ST8SIA5: variants seen among roughly 807,000 people sequenced by gnomAD.
The protein encoded by ST8SIA5 is alpha-2,8-sialyltransferase 8E.
ST8SIA5 carries 24 observed loss-of-function variants against 40.2 expected under a neutral mutation model. The observed-to-expected ratio is 0.60, with a 90% CI of 0.43 to 0.84. ST8SIA5 has a LOEUF of 0.84. ST8SIA5 is among the 40% of genes least tolerant of loss of function. The pLI, the probability that ST8SIA5 is intolerant of heterozygous loss-of-function variation, is 0.00. For missense variants in ST8SIA5, 465 were observed against 498.5 expected (o/e 0.93, Z 0.64); for synonymous variants, 198 against 201.8 (o/e 0.98, Z 0.16).
rs2144442216 is a variant in ST8SIA5 at position 46,672,365 on chromosome 18, A to AC, written c.*7676dup. On this transcript the variant is annotated 3_prime_UTR_variant, in exon 7 of 7. Coordinates refer to ENST00000315087, the MANE Select transcript of ST8SIA5 (RefSeq NM_013305.6). ...AATCAGATCCTCCGGGAAGTAAAGG[A>AC]CCTGGCTTGGGGATTATTTTATAAA... The AC allele has an allele frequency of 6.6e-6, 1 of 152,260 alleles. No homozygotes were observed. Among genetic ancestry groups the AC allele is most frequent in the South Asian group, 2.1e-4 (1 of 4,828 alleles). 9.4% of individuals were successfully genotyped at this position (152,260 alleles called of 1,614,324 possible).
In ST8SIA5 at chr18:46,756,670, C is replaced by T; in HGVS notation, c.-162G>A. The T allele has an allele frequency of 7.5e-6, 6 of 801,250 alleles. No individual in the cohort carries two copies. The highest frequency in any genetic ancestry group is 1.1e-5 in the Non-Finnish European group (6 of 532,530). The allele number at this position is 801,250 out of a possible 1,614,324, so 49.6% of individuals were successfully genotyped here. A position where few individuals can be genotyped will look rare whatever the true frequency, so the allele number is the denominator to read the frequency against. ...AAGTTTCTGGTTGGCGCGGCCGGAG[C>T]TGGGGGCATCCAAGCGTCGCAGGCG... On this transcript the variant is annotated 5_prime_UTR_variant, in exon 1 of 7. Coordinates refer to ENST00000315087, the MANE Select transcript of ST8SIA5 (RefSeq NM_013305.6).
intron 1 of ST8SIA5, among the ~76,000 whole-genome samples, chr18:46,754,144 C>T (rs1335716991): frequency 6.6e-6 from 1 of 152,126 alleles, no homozygotes; most frequent in Non-Finnish European, 1.5e-5. Context: ...GATGTGACAG[C>T]CACATCCAGT....
At chr18:46,730,399 A>G in intron 1 of ST8SIA5, 1 of 259,092 alleles carries the variant, frequency 3.9e-6, no homozygotes, top group Non-Finnish European at 6.0e-6. Context: ...CATGCATATA[A>G]AGGCTTTTAT....
At chr18:46,685,677 C>T (rs1321328901) in intron 5 of ST8SIA5, among the ~76,000 whole-genome samples, 4 of 152,160 alleles carry the variant, frequency 2.6e-5, no homozygotes, top group African/African-American at 9.7e-5. Flanking sequence ...TTTCAACCCA[C>T]CTTCTTCACC....
intron 2 of ST8SIA5, among the ~76,000 whole-genome samples, chr18:46,699,330 A>T (rs2039587444): frequency 6.6e-6 from 1 of 152,138 alleles, no homozygotes; most frequent in Non-Finnish European, 1.5e-5. Context: ...GCTGGGCACT[A>T]ATTGTAATGA....
At chr18:46,690,885 GGATTATA>G (rs2039498658) in intron 3 of ST8SIA5, among the ~76,000 whole-genome samples, 1 of 152,076 alleles carries the variant, frequency 6.6e-6, no homozygotes, top group African/African-American at 2.4e-5. Context: ...CAAAGTGCTG[GGATTATA>G]GACGTGAGCC....
intron 1 of ST8SIA5, among the ~76,000 whole-genome samples, chr18:46,714,981 A>G (rs2039772508): frequency 6.6e-6 from 1 of 152,048 alleles, no homozygotes; most frequent in Admixed American, 6.6e-5. Flanking sequence ...CAACAACTCC[A>G]CTTCCACCAG....
At position 46,679,670 on chromosome 18, in the gene ST8SIA5, G is replaced by T; in HGVS notation, c.*372C>A. ...CCATTCTCTGTAGGGTCTTCCTTCA[G>T]CTGCAACAAGGGCCTGCAGTTTGTG... On this transcript the variant is annotated 3_prime_UTR_variant, in exon 7 of 7. Transcript: ENST00000315087. 3.5e-6 allele frequency: 1 copy of T among 283,238 alleles called. No homozygotes were observed. Among genetic ancestry groups the T allele is most frequent in the Non-Finnish European group, 6.7e-6 (1 of 148,374 alleles). The allele number at this position is 283,238 out of a possible 1,614,324, so 17.5% of individuals were successfully genotyped here. A position where few individuals can be genotyped will look rare whatever the true frequency, so the allele number is the denominator to read the frequency against.
At chr18:46,735,266 G>A (rs8083658) in intron 1 of ST8SIA5, among the ~76,000 whole-genome samples, 1 of 152,228 alleles carries the variant, frequency 6.6e-6, no homozygotes, top group Admixed American at 6.5e-5. Context: ...TCCTCAGCTT[G>A]TAGATGGCCT....
intron 2 of ST8SIA5, among the ~76,000 whole-genome samples, chr18:46,700,675 G>A (rs1038463919): frequency 2.0e-5 from 3 of 152,194 alleles, no homozygotes; most frequent in Non-Finnish European, 4.4e-5. Flanking sequence ...AAGAGGGAGG[G>A]CATGCAAAGC....
intron 1 of ST8SIA5, among the ~76,000 whole-genome samples, chr18:46,707,362 C>T (rs1255713095): frequency 6.6e-6 from 1 of 150,590 alleles, no homozygotes; most frequent in East Asian, 1.9e-4. Context: ...TTGGGTAAAA[C>T]TTCCCCTCTC....
chr18:46,704,880 T>C (rs990327531), intron 1 of ST8SIA5, among the ~76,000 whole-genome samples: 3 of 152,112 alleles, frequency 2.0e-5, no homozygotes, highest in East Asian at 1.9e-4. Flanking sequence ...CCCACTCCCT[T>C]GGGAGTGTAG....
intron 2 of ST8SIA5, among the ~76,000 whole-genome samples, chr18:46,695,178 C>A (rs888928307): frequency 2.3e-5 from 3 of 130,808 alleles, no homozygotes; most frequent in African/African-American, 2.8e-5. Context: ...AAAAAAAAAA[C>A]CCTTTTTAAA....
intron 1 of ST8SIA5, among the ~76,000 whole-genome samples, chr18:46,710,492 C>G (rs575581520): frequency 1.4e-3 from 198 of 143,020 alleles, no homozygotes; most frequent in Non-Finnish European, 2.5e-3. Flanking sequence ...TTCCCCTTCC[C>G]CTTCCCTTCC....
intron 1 of ST8SIA5, among the ~76,000 whole-genome samples, chr18:46,754,019 T>G (rs923349559): frequency 3.3e-5 from 5 of 152,132 alleles, no homozygotes; most frequent in African/African-American, 1.2e-4. Context: ...TGAAGAACAC[T>G]GGTCAAGTGT....
chr18:46,747,042 T>G (rs901908908), intron 1 of ST8SIA5, among the ~76,000 whole-genome samples: 15 of 152,188 alleles, frequency 9.9e-5, no homozygotes, highest in African/African-American at 3.4e-4. Flanking sequence ...ACTGGATCCC[T>G]TCCTTACACA....
intron 4 of ST8SIA5, among the ~76,000 whole-genome samples, chr18:46,686,553 C>A (rs920982982): frequency 1.3e-5 from 2 of 152,160 alleles, no homozygotes; most frequent in African/African-American, 2.4e-5. Context: ...CAGCGGCTGG[C>A]AGACCTGCAT....
intron 1 of ST8SIA5, among the ~76,000 whole-genome samples, chr18:46,727,614 T>C (rs1442119013): frequency 6.6e-6 from 1 of 152,214 alleles, no homozygotes; most frequent in Non-Finnish European, 1.5e-5. Flanking sequence ...CAGATTTACA[T>C]GTTATTTCAA....
At chr18:46,688,476 T>G (rs1458804095) in intron 4 of ST8SIA5, among the ~76,000 whole-genome samples, 1 of 152,182 alleles carries the variant, frequency 6.6e-6, no homozygotes, top group East Asian at 1.9e-4. Flanking sequence ...GTTGTCATTC[T>G]CTCCCTATCT....
Sources: allele counts gnomAD v4.1 joint callset (sites outside exome capture counted in the v4.1 genomes callset), GRCh38; gene constraint gnomAD v4.1.1; transcripts MANE v1.5; gene names NCBI Gene and HGNC (gene_info 2026-07-23, HGNC 2026-07-21).